Variants in MCC observed in about 807,000 individuals in gnomAD.
MCC encodes the protein MCC regulator of Wnt signaling pathway.
MCC carries 90 observed loss-of-function variants against 116.2 expected under a neutral mutation model. The ratio of observed to expected loss-of-function variants is 0.77; its 90% CI spans 0.65 to 0.92. The LOEUF (loss-of-function observed/expected upper bound fraction) is 0.92, where lower values mean the gene tolerates loss of function less well. Ranked by LOEUF, MCC falls within the 40% of genes least tolerant of loss-of-function variation. The pLI, the probability that MCC is intolerant of heterozygous loss-of-function variation, is 0.00. For missense variants in MCC, 1,516 were observed against 1,312.2 expected (o/e 1.16, Z -2.40); for synonymous variants, 578 against 510.5 (o/e 1.13, Z -1.78).
At chr5:113,130,679 T>C (rs1758371073) in intron 5 of MCC, among the ~76,000 whole-genome samples, 1 of 152,034 alleles carries the variant, frequency 6.6e-6, no homozygotes, top group South Asian at 2.1e-4. Context: ...TATTAGTTCC[T>C]TGGAGAGCGA....
chr5:113,453,073 T>C (rs1481370688), intron 1 of MCC, among the ~76,000 whole-genome samples: 1 of 152,198 alleles, frequency 6.6e-6, no homozygotes, highest in African/African-American at 2.4e-5. Context: ...AAGAACCACT[T>C]GTCAGCAGAA....
At chr5:113,035,423 T>A (rs1462679985) in intron 17 of MCC, among the ~76,000 whole-genome samples, 1 of 152,122 alleles carries the variant, frequency 6.6e-6, no homozygotes, top group Non-Finnish European at 1.5e-5. Context: ...TCTGCCCTGG[T>A]TTTCACACAG....
Position 113,416,436 on chromosome 5 carries a change from A to C in MCC, c.171-31224T>G, listed in dbSNP as rs149841581. Among the ~76,000 whole-genome samples, 39 of 152,322 alleles carry C rather than the reference A, an allele frequency of 2.6e-4. No individual in the cohort carries two copies. The East Asian group carries it at 7.1e-3, about 28-fold the overall frequency. Reference sequence around the variant, plus strand: ...CAAGAGATCCCATCTCTTAAAAAAAAAAGTGGCAGGGGGAGCAGGTGGCTA... The same window carrying C: ...CAAGAGATCCCATCTCTTAAAAAAACAAGTGGCAGGGGGAGCAGGTGGCTA... On this transcript the variant is annotated intron_variant, in intron 1 of 18. Coordinates refer to ENST00000408903, the MANE Select transcript of MCC (RefSeq NM_001085377.2).
intron 6 of MCC, 133 bp downstream of exon 6, chr5:113,122,551 T>C: frequency 1.1e-6 from 1 of 946,484 alleles, no homozygotes; most frequent in East Asian, 2.6e-5. Context: ...GGGACTGAAA[T>C]ACATGTGACT....
In MCC at chr5:113,037,860, T is replaced by G. The variant is rs117584309; in HGVS notation, c.2756+5670A>C. On this transcript the variant is annotated intron_variant, in intron 17 of 18. Transcript: ENST00000408903. ...GATGAATTGTCCAGAGGGGCTGGACTACAGATCAAGCATGGGGAAACATTT... is the reference window on the plus strand; with the variant it reads ...GATGAATTGTCCAGAGGGGCTGGACGACAGATCAAGCATGGGGAAACATTT... Among the ~76,000 whole-genome samples the G allele has an allele frequency of 2.2e-4, 33 of 152,302 alleles. No individual in the cohort carries two copies. In the East Asian group the frequency reaches 6.0e-3, roughly 28 times the overall value.
At chr5:113,399,148 T>C (rs189378580) in intron 1 of MCC, among the ~76,000 whole-genome samples, 370 of 152,310 alleles carry the variant, frequency 2.4e-3, no homozygotes, top group South Asian at 1.4e-3. Flanking sequence ...TATCTTCAAA[T>C]AGCTTCAGGC....
intron 8 of MCC, among the ~76,000 whole-genome samples, chr5:113,097,812 C>T (rs947375866): frequency 2.0e-5 from 3 of 152,142 alleles, no homozygotes; most frequent in Non-Finnish European, 2.9e-5. Context: ...CGTGAGCCAC[C>T]GCACCTGGCC....
chr5:113,147,469 T>C (rs1434516457), intron 4 of MCC, among the ~76,000 whole-genome samples: 1 of 152,198 alleles, frequency 6.6e-6, no homozygotes, highest in African/African-American at 2.4e-5. Flanking sequence ...GTGTCAGCTG[T>C]CAAACCTAAG....
chr5:113,149,205 G>T (rs1475422907), intron 4 of MCC, among the ~76,000 whole-genome samples: 2 of 151,242 alleles, frequency 1.3e-5, no homozygotes, highest in Non-Finnish European at 2.9e-5. Flanking sequence ...CCATTTTGTT[G>T]TTGTTTTTAA....
intron 4 of MCC, among the ~76,000 whole-genome samples, chr5:113,145,167 CAA>C (rs541394895): frequency 1.3e-5 from 2 of 152,226 alleles, no homozygotes; most frequent in African/African-American, 2.4e-5. Flanking sequence ...AGCACATCTA[CAA>C]ACTCTTGCTG....
chr5:113,251,483 AG>A (rs1764798095), intron 3 of MCC, among the ~76,000 whole-genome samples: 1 of 152,212 alleles, frequency 6.6e-6, no homozygotes, highest in Non-Finnish European at 1.5e-5. Context: ...CACGGGACTA[AG>A]GGGCCTGGCA....
At chr5:113,442,188 C>A (rs963161589) in intron 1 of MCC, among the ~76,000 whole-genome samples, 1 of 152,046 alleles carries the variant, frequency 6.6e-6, no homozygotes, top group Non-Finnish European at 1.5e-5. Context: ...TTTAATGATC[C>A]CCATTCTAAC....
intron 6 of MCC, among the ~76,000 whole-genome samples, chr5:113,116,776 A>C (rs1757422496): frequency 6.6e-6 from 1 of 152,228 alleles, no homozygotes; most frequent in South Asian, 2.1e-4. Context: ...TCAGTCACTT[A>C]GCTCTGCTAC....
intron 5 of MCC, among the ~76,000 whole-genome samples, chr5:113,126,804 C>T (rs572683476): frequency 4.6e-5 from 7 of 152,308 alleles, no homozygotes; most frequent in South Asian, 2.1e-4. Flanking sequence ...TTTGGTGAGT[C>T]ATGAGCTATG....
At chr5:113,048,284 AAATG>A (rs561391561) in intron 16 of MCC, among the ~76,000 whole-genome samples, 54 of 152,324 alleles carry the variant, frequency 3.5e-4, no homozygotes, top group African/African-American at 1.0e-3. Context: ...TGAAAATATT[AAATG>A]GGAAATTCTA....
At chr5:113,413,268 G>C (rs1770045178) in intron 1 of MCC, among the ~76,000 whole-genome samples, 1 of 152,178 alleles carries the variant, frequency 6.6e-6, no homozygotes, top group African/African-American at 2.4e-5. Flanking sequence ...TTTGATATCA[G>C]AATGATGCTG....
chr5:113,079,759 A>T (rs952083650), intron 11 of MCC, among the ~76,000 whole-genome samples: 3 of 152,264 alleles, frequency 2.0e-5, no homozygotes, highest in Non-Finnish European at 2.9e-5. Context: ...CAAGGACTTC[A>T]TGACTAAAAC....
chr5:113,078,375 A>G (rs566159995), intron 11 of MCC, among the ~76,000 whole-genome samples: 1 of 152,362 alleles, frequency 6.6e-6, no homozygotes. Context: ...TTCCAGACCA[A>G]TATCCCTGAT....
intron 3 of MCC, among the ~76,000 whole-genome samples, chr5:113,196,301 G>C (rs1332123563): frequency 6.6e-6 from 1 of 152,196 alleles, no homozygotes; most frequent in Non-Finnish European, 1.5e-5. Context: ...GTCACAGTCA[G>C]GTGCCCAGGA....
Sources: gnomAD v4.1 joint callset for allele counts (sites outside exome capture counted in the v4.1 genomes callset) on GRCh38, gnomAD v4.1.1 for gene constraint, MANE v1.5 for transcripts, NCBI Gene and HGNC (gene_info 2026-07-23, HGNC 2026-07-21) for gene names.